Variants in SBNO1 observed in about 807,000 individuals in gnomAD.
SBNO1 encodes protein strawberry notch homolog 1.
Under a neutral mutation model 173.6 loss-of-function variants are expected in SBNO1, and 23 were observed. That is an observed-to-expected ratio of 0.13 (90% CI 0.10 to 0.19). The LOEUF is 0.19. Ranked by LOEUF, SBNO1 falls within the 10% of genes least tolerant of loss-of-function variation. The probability of loss-of-function intolerance (pLI) is 1.00; values close to 1 mark genes in which losing one functional copy is unlikely to be tolerated. For missense variants in SBNO1, 1,238 were observed against 1,671.2 expected (o/e 0.74, Z 4.52); for synonymous variants, 632 against 571.5 (o/e 1.11, Z -1.51).
Position 123,295,621 on chromosome 12 carries a change from A to G in SBNO1, c.*287T>C, listed in dbSNP as rs2048579711. 1 of 328,734 alleles carries G rather than the reference A, an allele frequency of 3.0e-6. No homozygotes were observed. The highest frequency in any genetic ancestry group is 2.1e-5 in the African/African-American group (1 of 48,126). 20.4% of individuals were successfully genotyped at this position (328,734 alleles called of 1,614,324 possible). ...GTCTGTAGCCTTTAACACACTCACAAACAGACTGACACACACGCACACACA... is the reference window on the plus strand; with the variant it reads ...GTCTGTAGCCTTTAACACACTCACAGACAGACTGACACACACGCACACACA... On this transcript the variant is annotated 3_prime_UTR_variant, in exon 32 of 32. Coordinates refer to ENST00000602398, the MANE Select transcript of SBNO1 (RefSeq NM_001167856.3).
chr12:123,291,050 T>C lies in SBNO1; in HGVS notation c.*4858A>G, dbSNP rs1413260248. 3 of 152,132 alleles carry C rather than the reference T, an allele frequency of 2.0e-5. No homozygotes were observed. Among genetic ancestry groups the C allele is most frequent in the African/African-American group, 4.8e-5 (2 of 41,378 alleles). 9.4% of individuals were successfully genotyped at this position (152,132 alleles called of 1,614,324 possible). A position where few individuals can be genotyped will look rare whatever the true frequency, so the allele number is the denominator to read the frequency against. On this transcript the variant is annotated 3_prime_UTR_variant, in exon 32 of 32. Coordinates refer to ENST00000602398, the MANE Select transcript of SBNO1 (RefSeq NM_001167856.3). ...GGCGTGAGCCACCGCACCCGGCCAA[T>C]GTACATTCTCTAAAGTCACCTGTCA...
At position 123,328,736 on chromosome 12, in the gene SBNO1, C is replaced by T; in HGVS notation, c.1294G>A (p.Val432Met). Reference sequence around the variant, plus strand: ...AAAATATTTGCCATAAAGGATACCACTCCATCGAAGTCATCACCGCACCAA... The same window carrying T: ...AAAATATTTGCCATAAAGGATACCATTCCATCGAAGTCATCACCGCACCAA... ...LHWCGDDFDG[V>M]IVFDECHKAK... is the part of the protein sequence containing the mutation. Residue 432 changes from valine (V) to methionine (M), a missense_variant and splice_region_variant, in exon 10 of 32, where the codon GTG becomes ATG. Around this residue, in one of 14 missense-constraint regions of SBNO1, gnomAD observed 182 missense variants for 339.9 expected, o/e 0.54. Coordinates refer to ENST00000602398, the MANE Select transcript of SBNO1 (RefSeq NM_001167856.3). 1 of 1,544,970 alleles carries T rather than the reference C, an allele frequency of 6.5e-7. No individual in the cohort carries two copies. Among genetic ancestry groups the T allele is most frequent in the Non-Finnish European group, 8.8e-7 (1 of 1,140,478 alleles).
At chr12:123,361,268 G>A (rs1293371117) in intron 1 of SBNO1, among the ~76,000 whole-genome samples, 1 of 149,898 alleles carries the variant, frequency 6.7e-6, no homozygotes, top group Non-Finnish European at 1.5e-5. Context: ...TAGAAAGAAG[G>A]CTGGGCATGG....
At chr12:123,302,299 A>G (rs1430862786) in intron 30 of SBNO1, among the ~76,000 whole-genome samples, 1 of 147,464 alleles carries the variant, frequency 6.8e-6, no homozygotes, top group Non-Finnish European at 1.5e-5. Flanking sequence ...CTGGAGTGCA[A>G]TGGCGCAATT....
chr12:123,322,892 AAG>A (rs1218184138), intron 16 of SBNO1, among the ~76,000 whole-genome samples: 2 of 138,264 alleles, frequency 1.4e-5, no homozygotes, highest in Admixed American at 7.3e-5. Context: ...AAAAAAAAAA[AAG>A]AAAAAAAAAG....
At chr12:123,324,302 CA>C (rs1202288060) in intron 15 of SBNO1, among the ~76,000 whole-genome samples, 2 of 149,156 alleles carry the variant, frequency 1.3e-5, no homozygotes, top group African/African-American at 4.9e-5. Context: ...TATAGATTAG[CA>C]GGTGTATGTC....
rs534603046 is a variant in SBNO1, at chr12:123,318,885, G to A, written c.2799+1015C>T. On this transcript the variant is annotated intron_variant, in intron 20 of 31. Transcript: ENST00000602398. ...ATAAACAGTGAAACCAAAATTACTA[G>A]TAATATGGACACACATAAATATTTT... 2.0e-5 allele frequency among the ~76,000 whole-genome samples: 3 copies of A among 150,898 alleles called. No homozygotes were observed. In the East Asian group the frequency reaches 5.8e-4, roughly 29 times the overall value.
chr12:123,345,971 A>G (rs1333708264), intron 3 of SBNO1, among the ~76,000 whole-genome samples: 3 of 152,200 alleles, frequency 2.0e-5, no homozygotes, highest in African/African-American at 7.2e-5. Context: ...CCTTGCCTAA[A>G]TATTAGTACT....
intron 5 of SBNO1, among the ~76,000 whole-genome samples, chr12:123,338,746 G>A (rs1294473967): frequency 1.3e-5 from 2 of 151,976 alleles, no homozygotes; most frequent in South Asian, 2.1e-4. Flanking sequence ...GGTGGGGGGC[G>A]CCTGTAATCC....
rs373390874 is a variant in SBNO1 at position 123,338,454 on chromosome 12, G to A, written c.652-1963C>T. Reference sequence around the variant, plus strand: ...TCCCAGCACTTTGGGAGGCCGAGGCGGGTGAATCACGAGGTCAGGAGTTCA... The same window carrying A: ...TCCCAGCACTTTGGGAGGCCGAGGCAGGTGAATCACGAGGTCAGGAGTTCA... On this transcript the variant is annotated intron_variant, in intron 5 of 31. Coordinates refer to ENST00000602398, the MANE Select transcript of SBNO1 (RefSeq NM_001167856.3). 2.4e-4 allele frequency among the ~76,000 whole-genome samples: 36 copies of A among 152,198 alleles called. No individual in the cohort carries two copies. In the East Asian group the frequency reaches 2.7e-3, roughly 11 times the overall value.
intron 15 of SBNO1, among the ~76,000 whole-genome samples, chr12:123,324,848 G>C (rs773802812): frequency 5.9e-4 from 90 of 151,820 alleles, no homozygotes; most frequent in Non-Finnish European, 1.1e-3. Flanking sequence ...CTGCCGCCCA[G>C]AGGGGAGTGG....
chr12:123,344,621 G>A (rs950772310), intron 4 of SBNO1, among the ~76,000 whole-genome samples: 17 of 152,098 alleles, frequency 1.1e-4, no homozygotes, highest in Non-Finnish European at 2.9e-5. Context: ...GGCTAAGGTG[G>A]GCAGACTGCC....
rs1332088202 is a variant in SBNO1 at position 123,289,305 on chromosome 12, C to CA, written c.*6602dup. Reference sequence around the variant, plus strand: ...GAGACCAAATTTTTCAGTTACATATCAAAAATGATTGGGATAATCAATTCC... The same window carrying CA: ...GAGACCAAATTTTTCAGTTACATATCAAAAAATGATTGGGATAATCAATTCC... On this transcript the variant is annotated 3_prime_UTR_variant, in exon 32 of 32. Transcript: ENST00000602398. 9 of 152,202 alleles carry CA rather than the reference C, an allele frequency of 5.9e-5. No homozygotes were observed. Among genetic ancestry groups the CA allele is most frequent in the Admixed American group, 2.0e-4 (3 of 15,274 alleles). The allele number at this position is 152,202 out of a possible 1,614,324, so 9.4% of individuals were successfully genotyped here. A position where few individuals can be genotyped will look rare whatever the true frequency, so the allele number is the denominator to read the frequency against.
chr12:123,363,544 A>G (rs1032283641), intron 1 of SBNO1, among the ~76,000 whole-genome samples: 8 of 152,192 alleles, frequency 5.3e-5, no homozygotes, highest in Non-Finnish European at 1.0e-4. Context: ...ACATAAAATG[A>G]TAATAGCCAA....
At chr12:123,305,487 T>A (rs1188715105) in intron 28 of SBNO1, among the ~76,000 whole-genome samples, 1 of 152,182 alleles carries the variant, frequency 6.6e-6, no homozygotes, top group East Asian at 1.9e-4. Context: ...CTTTTTTTTT[T>A]GTTTTTGAGA....
In SBNO1 at chr12:123,328,866, A is replaced by G. The variant is rs1870865851; in HGVS notation, c.1164T>C (p.His388=). 3.2e-6 allele frequency: 5 copies of G among 1,584,852 alleles called. No individual in the cohort carries two copies. Among genetic ancestry groups the G allele is most frequent in the African/African-American group, 1.4e-5 (1 of 73,820 alleles). The change falls in exon 10 of 32, where the codon CAT becomes CAC. Residue 388 remains histidine, a synonymous_variant. Transcript: ENST00000602398. ...KFKYGKISSK[H]NGSVKKGVIF... The stretch of plus-strand genomic sequence containing the variant: ...TAACACCCTTTTTCACACTCCCATT[A>G]TGTTTGGAAGAAATTTTTCCGTATT...
In SBNO1 at chr12:123,291,192, T is replaced by A. The variant is rs1349539955; in HGVS notation, c.*4716A>T. 6.6e-6 allele frequency: 1 copy of A among 152,180 alleles called. No individual in the cohort carries two copies. The highest frequency in any genetic ancestry group is 2.4e-5 in the African/African-American group (1 of 41,434). 9.4% of individuals were successfully genotyped at this position (152,180 alleles called of 1,614,324 possible). A position where few individuals can be genotyped will look rare whatever the true frequency, so the allele number is the denominator to read the frequency against. On this transcript the variant is annotated 3_prime_UTR_variant, in exon 32 of 32. Transcript: ENST00000602398. Reference sequence around the variant, plus strand: ...ACTCATCATTTGTAGGTTAAAAGCATAGGCCCGACTTCTTAAATAAACATA... The same window carrying A: ...ACTCATCATTTGTAGGTTAAAAGCAAAGGCCCGACTTCTTAAATAAACATA...
intron 5 of SBNO1, among the ~76,000 whole-genome samples, chr12:123,339,094 T>C (rs979536932): frequency 1.8e-4 from 27 of 152,140 alleles, no homozygotes; most frequent in African/African-American, 6.3e-4. Flanking sequence ...AAAAATCACC[T>C]TCCAAGTGCT....
rs755562609 is a variant in SBNO1 at position 123,309,641 on chromosome 12, C to T, written c.3443-58G>A. ...AAAGAACATTTTTATCAGGTACACA[C>T]GTTTAAAGAATTTCTCCACTCCACA... On this transcript the variant is annotated intron_variant, in intron 26 of 31. Coordinates refer to ENST00000602398, the MANE Select transcript of SBNO1 (RefSeq NM_001167856.3). The T allele has an allele frequency of 6.9e-5, 110 of 1,597,982 alleles. 1 individual carries two copies. The highest frequency in any genetic ancestry group is 8.8e-5 in the Non-Finnish European group (103 of 1,166,790).
Sources: allele counts gnomAD v4.1 joint callset (sites outside exome capture counted in the v4.1 genomes callset), GRCh38; gene constraint gnomAD v4.1.1; regional missense constraint gnomAD v4.1.1; transcripts MANE v1.5; gene names NCBI Gene and HGNC (gene_info 2026-07-23, HGNC 2026-07-21).